The following MGAT4C variants were observed in gnomAD, a reference collection of about 807,000 sequenced individuals.
MGAT4C encodes alpha-1,3-mannosyl-glycoprotein 4-beta-N-acetylglucosaminyltransferase C.
Under a neutral mutation model 40.1 loss-of-function variants are expected in MGAT4C, and 19 were observed. That is an observed-to-expected ratio of 0.47 (90% CI 0.33 to 0.70). The LOEUF is 0.70. MGAT4C is among the 30% of genes least tolerant of loss of function. MGAT4C has a pLI of 0.02. For synonymous variants in MGAT4C, 181 were observed against 187.1 expected (o/e 0.97, Z 0.27); for missense variants, 491 against 563.2 (o/e 0.87, Z 1.30).
rs1468174805 is a variant in MGAT4C, at chr12:86,027,913, ATTAT to A, written c.-7+21757_-7+21760del. 3.9e-5 allele frequency among the ~76,000 whole-genome samples: 6 copies of A among 151,994 alleles called. No homozygotes were observed. The South Asian group carries it at 6.2e-4, about 16-fold the overall frequency. On this transcript the variant is annotated intron_variant, in intron 2 of 4. Coordinates refer to ENST00000611864, the MANE Select transcript of MGAT4C (RefSeq NM_001351288.2). ...AAAAATATATTTTATATATACAGTA[ATTAT>A]TTATCATCAGTATAAAATATTATAG...
At chr12:86,485,911 G>A (rs999466167) in intron 2 of MGAT4C, among the ~76,000 whole-genome samples, 3 of 152,052 alleles carry the variant, frequency 2.0e-5, no homozygotes, top group African/African-American at 4.8e-5. Context: ...AGAAGACATC[G>A]GGGCCTATTT....
intron 1 of MGAT4C, among the ~76,000 whole-genome samples, chr12:86,819,274 C>T (rs1478323829): frequency 6.6e-6 from 1 of 150,858 alleles, no homozygotes; most frequent in Non-Finnish European, 1.5e-5. Context: ...TAAGCCCTCA[C>T]AGCTAGTAAG....
chr12:86,061,017 A>G (rs765838649), intron 1 of MGAT4C, among the ~76,000 whole-genome samples: 5 of 152,204 alleles, frequency 3.3e-5, no homozygotes, highest in Non-Finnish European at 5.9e-5. Context: ...GAGTAGAGGA[A>G]GAAAGCCTTG....
At chr12:86,356,744 C>A (rs893641276) in intron 3 of MGAT4C, among the ~76,000 whole-genome samples, 3 of 149,894 alleles carry the variant, frequency 2.0e-5, no homozygotes, top group East Asian at 2.0e-4. Context: ...AGTCTGAGAT[C>A]CAACTGCAAG....
chr12:86,697,184 G>T (rs774201962), intron 2 of MGAT4C, among the ~76,000 whole-genome samples: 3 of 151,922 alleles, frequency 2.0e-5, no homozygotes, highest in Admixed American at 6.6e-5. Flanking sequence ...GTATAATATA[G>T]GTATATATAC....
chr12:85,963,892 C>T lies in MGAT4C; in HGVS notation c.*15397G>A, dbSNP rs113502363. ...GTCATATGTTTCAAATGTATGCATA[C>T]ACAAAAGAGTAAGCAACAGGATACT... On this transcript the variant is annotated 3_prime_UTR_variant, in exon 5 of 5. Transcript: ENST00000611864. The T allele has an allele frequency of 4.2e-3, 634 of 151,856 alleles. 4 individuals carry two copies. The highest frequency in any genetic ancestry group is 0.015 in the African/African-American group (609 of 41,456). The allele number at this position is 151,856 out of a possible 1,614,324, so 9.4% of individuals were successfully genotyped here. A position where few individuals can be genotyped will look rare whatever the true frequency, so the allele number is the denominator to read the frequency against.
intron 1 of MGAT4C, among the ~76,000 whole-genome samples, chr12:86,211,406 CAAAAAAAAAAAAAAAAA>C (rs58874795): frequency 2.8e-5 from 1 of 35,518 alleles, no homozygotes; most frequent in South Asian, 2.6e-3. Context: ...ACTACAAATA[CAAAAAAAAAAAAAAAAA>C]AAAAAAAAAA....
chr12:86,457,396 A>AAAAC (rs1957527549), intron 2 of MGAT4C, among the ~76,000 whole-genome samples: 1 of 152,138 alleles, frequency 6.6e-6, no homozygotes, highest in South Asian at 2.1e-4. Context: ...AATGAGGATT[A>AAAAC]AAACAATATT....
At chr12:86,141,590 T>G (rs752309791) in intron 1 of MGAT4C, among the ~76,000 whole-genome samples, 1 of 152,152 alleles carries the variant, frequency 6.6e-6, no homozygotes, top group African/African-American at 2.4e-5. Context: ...ACTGAACACT[T>G]TCTATTAGCT....
chr12:86,810,647 T>C (rs924372931), intron 1 of MGAT4C, among the ~76,000 whole-genome samples: 10 of 151,918 alleles, frequency 6.6e-5, no homozygotes, highest in Non-Finnish European at 4.4e-5. Context: ...TTTTTGAGTG[T>C]TCAACCAGCC....
intron 2 of MGAT4C, among the ~76,000 whole-genome samples, chr12:86,042,914 T>A (rs1892016811): frequency 6.6e-6 from 1 of 151,162 alleles, no homozygotes. Context: ...GCCCCCAATA[T>A]TTTCTGGCTT....
intron 2 of MGAT4C, among the ~76,000 whole-genome samples, chr12:86,547,626 TG>T (rs1959202974): frequency 6.6e-6 from 1 of 152,076 alleles, no homozygotes; most frequent in Admixed American, 6.6e-5. Context: ...AATAAATATT[TG>T]GTAAATTTTG....
intron 2 of MGAT4C, among the ~76,000 whole-genome samples, chr12:86,566,319 A>G (rs1053528134): frequency 6.6e-6 from 1 of 151,540 alleles, no homozygotes; most frequent in African/African-American, 2.4e-5. Flanking sequence ...CAGCTAGAGT[A>G]TAAAAGCAAG....
chr12:86,200,671 A>G (rs1225318293), intron 1 of MGAT4C, among the ~76,000 whole-genome samples: 1 of 150,838 alleles, frequency 6.6e-6, no homozygotes, highest in African/African-American at 2.4e-5. Flanking sequence ...ATTTTTCACC[A>G]GGTTTGACTT....
At chr12:86,049,302 G>A (rs1242396186) in intron 2 of MGAT4C, among the ~76,000 whole-genome samples, 3 of 151,406 alleles carry the variant, frequency 2.0e-5, no homozygotes, top group Non-Finnish European at 4.4e-5. Flanking sequence ...CTGTGTGTGC[G>A]CCTGTGTGTG....
intron 2 of MGAT4C, among the ~76,000 whole-genome samples, chr12:86,514,696 A>G (rs1565819055): frequency 6.6e-6 from 1 of 152,198 alleles, no homozygotes; most frequent in East Asian, 1.9e-4. Context: ...TCTCCATTTC[A>G]AGGTCAGCTG....
intron 3 of MGAT4C, among the ~76,000 whole-genome samples, chr12:86,406,648 C>T (rs956522550): frequency 6.6e-6 from 1 of 151,818 alleles, no homozygotes; most frequent in Non-Finnish European, 1.5e-5. Context: ...CTTGTCCATT[C>T]GTACATTGTT....
At chr12:86,823,083 A>C (rs761545220) in intron 1 of MGAT4C, among the ~76,000 whole-genome samples, 5 of 151,198 alleles carry the variant, frequency 3.3e-5, no homozygotes, top group Non-Finnish European at 5.9e-5. Context: ...CTTCAAGAAA[A>C]ACAAAAACAC....
intron 2 of MGAT4C, among the ~76,000 whole-genome samples, chr12:86,534,271 AT>A (rs1350702365): frequency 6.6e-6 from 1 of 152,070 alleles, no homozygotes; most frequent in Non-Finnish European, 1.5e-5. Flanking sequence ...CTTTCTACTG[AT>A]TTCAGGTCTT....
Sources: gnomAD v4.1 joint callset for allele counts (sites outside exome capture counted in the v4.1 genomes callset) on GRCh38, gnomAD v4.1.1 for gene constraint, MANE v1.5 for transcripts, NCBI Gene and HGNC (gene_info 2026-07-23, HGNC 2026-07-21) for gene names.